Variants in ADCY7 observed in about 807,000 individuals in gnomAD.
The protein encoded by ADCY7 is adenylate cyclase type 7.
In ADCY7, 72 loss-of-function variants were observed where a neutral mutation model predicts 120.6. The ratio of observed to expected loss-of-function variants is 0.60; its 90% CI spans 0.49 to 0.73. ADCY7 has a LOEUF of 0.73. Ranked by LOEUF, ADCY7 falls within the 30% of genes least tolerant of loss-of-function variation. The pLI, the probability that ADCY7 is intolerant of heterozygous loss-of-function variation, is 0.00. For missense variants in ADCY7, 1,227 were observed against 1,486.0 expected, an observed-to-expected ratio of 0.83 and a Z score of 2.87; for synonymous variants, 661 against 628.0, an observed-to-expected ratio of 1.05 and a Z score of -0.78.
chr16:50,303,482 A>G (rs995964962), intron 10 of ADCY7, among the ~76,000 whole-genome samples: 1 of 152,202 alleles, frequency 6.6e-6, no homozygotes. Context: ...GGAGAGACTC[A>G]GCAGACCTGG....
intron 10 of ADCY7, among the ~76,000 whole-genome samples, 175 bp downstream of exon 10, chr16:50,301,389 AC>A (rs1469529882): frequency 5.3e-5 from 8 of 151,990 alleles, no homozygotes; most frequent in African/African-American, 1.7e-4. Context: ...CCGAGTAGCC[AC>A]TCCCTGGGCC....
intron 8 of ADCY7, among the ~76,000 whole-genome samples, chr16:50,299,561 G>T (rs2035581890): frequency 6.6e-6 from 1 of 152,238 alleles, no homozygotes; most frequent in African/African-American, 2.4e-5. Flanking sequence ...GGCAGGCCCA[G>T]CCAGGCTGAC....
chr16:50,251,527 A>C (rs1285799167), intron 1 of ADCY7, among the ~76,000 whole-genome samples: 1 of 152,202 alleles, frequency 6.6e-6, no homozygotes, highest in Non-Finnish European at 1.5e-5. Context: ...GGGCCGTGGG[A>C]GGAGGACTGC....
intron 4 of ADCY7, 52 bp from the exon 5 acceptor site, chr16:50,292,624 G>A (rs756387130): frequency 2.5e-6 from 4 of 1,596,718 alleles, no homozygotes; most frequent in Admixed American, 3.4e-5. Flanking sequence ...CTGGTGCCTC[G>A]GGAGGGCATG....
upstream of ADCY7, among the ~76,000 whole-genome samples, chr16:50,245,447 C>T (rs185901167): frequency 5.3e-5 from 8 of 152,274 alleles, no homozygotes; most frequent in African/African-American, 1.9e-4. Context: ...CTGCCCCTCC[C>T]AGGGTGACTC....
intron 1 of ADCY7, among the ~76,000 whole-genome samples, chr16:50,287,285 G>A (rs896234538): frequency 6.6e-6 from 1 of 151,876 alleles, no homozygotes; most frequent in Non-Finnish European, 1.5e-5. Flanking sequence ...AAAGTGCTGG[G>A]ATTACAGGCA....
intron 12 of ADCY7, 61 bp downstream of exon 12, chr16:50,305,020 C>T (rs2035969491): frequency 1.9e-6 from 3 of 1,602,326 alleles, no homozygotes; most frequent in East Asian, 2.2e-5. Context: ...GCAGGCTGCC[C>T]TGAGCAGCCT....
At chr16:50,277,720 G>GAC (rs2033988144) in intron 1 of ADCY7, among the ~76,000 whole-genome samples, 1 of 148,850 alleles carries the variant, frequency 6.7e-6, no homozygotes, top group African/African-American at 2.5e-5. Context: ...ACCCAGGCTG[G>GAC]AGTGCAGTGG....
At chr16:50,273,012 C>T (rs1211578956) in intron 1 of ADCY7, among the ~76,000 whole-genome samples, 1 of 152,166 alleles carries the variant, frequency 6.6e-6, no homozygotes, top group African/African-American at 2.4e-5. Flanking sequence ...GGCATGGGTA[C>T]AAGAGCAGAG....
chr16:50,255,402 G>A (rs1462879109), intron 1 of ADCY7, among the ~76,000 whole-genome samples: 48 of 108,118 alleles, frequency 4.4e-4, no homozygotes, highest in East Asian at 1.7e-3. Context: ...TCTGTTTCTG[G>A]AAAAAAAAAA....
intron 1 of ADCY7, among the ~76,000 whole-genome samples, chr16:50,256,309 G>A (rs897935948): frequency 1.3e-5 from 2 of 151,958 alleles, no homozygotes; most frequent in Non-Finnish European, 2.9e-5. Context: ...ATGACCAACA[G>A]GTATACAAAA....
At chr16:50,286,521 C>T (rs2034592860) in intron 1 of ADCY7, among the ~76,000 whole-genome samples, 1 of 151,912 alleles carries the variant, frequency 6.6e-6, no homozygotes, top group South Asian at 2.1e-4. Context: ...CTGAAGCAGG[C>T]ATGGGGGCCT....
intron 17 of ADCY7, chr16:50,309,030 C>T (rs1301064640): frequency 4.4e-6 from 2 of 449,820 alleles, no homozygotes; most frequent in South Asian, 4.5e-5. Flanking sequence ...ATGCCTTGAG[C>T]CACCACATCC....
Position 50,293,365 on chromosome 16 carries a change from G to A in ADCY7, c.699G>A (p.Leu233=). The part of the protein sequence containing the change: ...RIEKRQQENL[L]LSVLPAHISM... Reference sequence around the variant, plus strand: ...CCACCCACACCCAGGAGAACCTGCTGCTGTCAGTGCTTCCGGCCCACATCT... The same window carrying A: ...CCACCCACACCCAGGAGAACCTGCTACTGTCAGTGCTTCCGGCCCACATCT... Residue 233 remains leucine (L), a synonymous_variant, in exon 6 of 26, where the codon CTG becomes CTA. Coordinates refer to ENST00000673801, the MANE Select transcript of ADCY7 (RefSeq NM_001114.5). 1 of 1,613,192 alleles carries A rather than the reference G, an allele frequency of 6.2e-7. No individual in the cohort carries two copies. Among genetic ancestry groups the A allele is most frequent in the Non-Finnish European group, 8.5e-7 (1 of 1,179,438 alleles).
At chr16:50,312,214 C>CG in intron 21 of ADCY7, 23 bp downstream of exon 21, 1 of 1,608,132 alleles carries the variant, frequency 6.2e-7, no homozygotes, top group Non-Finnish European at 8.5e-7. Context: ...GGGGCTGGGG[C>CG]GGGGGCAGGG....
At chr16:50,294,391 G>GGGT (rs2035206459) in intron 6 of ADCY7, among the ~76,000 whole-genome samples, 1 of 152,174 alleles carries the variant, frequency 6.6e-6, no homozygotes, top group Non-Finnish European at 1.5e-5. Context: ...ATAGGGCCTG[G>GGGT]GGTGGGGCCG....
At chr16:50,299,686 GC>G in intron 8 of ADCY7, among the ~76,000 whole-genome samples, 1 of 152,348 alleles carries the variant, frequency 6.6e-6, no homozygotes, top group Middle Eastern at 3.4e-3. Context: ...CCAGAAAGAA[GC>G]CTGGGCAGAG....
At chr16:50,266,139 A>T, upstream of ADCY7, among the ~76,000 whole-genome samples, 1 of 151,960 alleles carries the variant, frequency 6.6e-6, no homozygotes, top group South Asian at 2.1e-4. Flanking sequence ...CCACCTTACT[A>T]CATAGATAGG....
chr16:50,253,673 T>A (rs1311192299), intron 1 of ADCY7, among the ~76,000 whole-genome samples: 1 of 152,110 alleles, frequency 6.6e-6, no homozygotes. Context: ...CCCACTCTTT[T>A]GTGGTCAGAG....
Sources: gnomAD v4.1 joint callset for allele counts (sites outside exome capture counted in the v4.1 genomes callset) on GRCh38, gnomAD v4.1.1 for gene constraint, MANE v1.5 for transcripts, NCBI Gene and HGNC (gene_info 2026-07-23, HGNC 2026-07-21) for gene names.